The following FAAP100 variants were observed in gnomAD, a reference collection of about 807,000 sequenced individuals.
FAAP100 encodes the protein FA core complex associated protein 100.
A neutral mutation model predicts 65.8 loss-of-function variants in FAAP100; 46 were observed. The ratio of observed to expected loss-of-function variants is 0.70; its 90% CI spans 0.55 to 0.89. The LOEUF (loss-of-function observed/expected upper bound fraction) is 0.89, where lower values mean the gene tolerates loss of function less well. FAAP100 is among the 40% of genes least tolerant of loss of function. FAAP100 has a pLI of 0.00. For synonymous variants in FAAP100, 663 were observed against 555.1 expected (o/e 1.19, Z -2.73); for missense variants, 1,165 against 1,196.7 (o/e 0.97, Z 0.39).
In FAAP100 at chr17:81,550,886, G is replaced by A; in HGVS notation, c.608C>T (p.Ser203Leu). 1 of 1,612,584 alleles carries A rather than the reference G, an allele frequency of 6.2e-7. No individual in the cohort carries two copies. The highest frequency in any genetic ancestry group is 8.5e-7 in the Non-Finnish European group (1 of 1,179,830). The change falls in exon 3 of 9, where the codon TCA (serine) becomes TTA (leucine). Residue 203 changes from serine (S) to leucine (L), a missense_variant. Ser to Leu is a moderately radical substitution (Grantham distance 145, BLOSUM62 -2). Transcript: ENST00000327787. Reference sequence around the variant, plus strand: ...GAGGTCGTGCGGGACCCTGGAGCCTGATGGTGACACAGAGCACAGCACTGG... The same window carrying A: ...GAGGTCGTGCGGGACCCTGGAGCCTAATGGTGACACAGAGCACAGCACTGG... The part of the protein sequence containing the change: ...FLPVLCSVSP[S>L]GSRVPHDLLG...
At chr17:81,545,624 G>C in intron 6 of FAAP100, 122 bp downstream of exon 6, 1 of 1,331,176 alleles carries the variant, frequency 7.5e-7, no homozygotes, top group Non-Finnish European at 1.0e-6. Flanking sequence ...AGTCCTCCGG[G>C]AAGCTTGGGA....
rs1328515781 is a variant in FAAP100, at chr17:81,540,659, T to C, written c.*160A>G. ...AGAATCTGCTTTGTGCTCCACGGCC[T>C]CCAAGCACTTTCATGAGCGTTCTGC... On this transcript the variant is annotated 3_prime_UTR_variant, in exon 9 of 9. Transcript: ENST00000327787. 7.0e-6 allele frequency: 7 copies of C among 1,004,640 alleles called. No homozygotes were observed. The highest frequency in any genetic ancestry group is 8.1e-6 in the Non-Finnish European group (6 of 738,284). The allele number at this position is 1,004,640 out of a possible 1,614,324, so 62.2% of individuals were successfully genotyped here.
chr17:81,546,984 A>C lies in FAAP100; in HGVS notation c.2098T>G (p.Tyr700Asp). The part of the protein sequence containing the change: ...PAGPASLRAE[Y>D]LPPSVASIKV... ...ATGGAAGCCACAGATGGGGGCAGGT[A>C]CTCGGCCCGCAGGGAGGCGGGTCCT... Residue 700 changes from tyrosine to aspartate, a missense_variant, in exon 5 of 9, where the codon TAC (tyrosine) becomes GAC (aspartate). Tyr to Asp is a radical substitution (Grantham distance 160, BLOSUM62 -3). Coordinates refer to ENST00000327787, the MANE Select transcript of FAAP100 (RefSeq NM_025161.6). 1.3e-6 allele frequency: 2 copies of C among 1,499,052 alleles called. No homozygotes were observed. Among genetic ancestry groups the C allele is most frequent in the Non-Finnish European group, 1.8e-6 (2 of 1,124,076 alleles). 92.9% of individuals were successfully genotyped at this position (1,499,052 alleles called of 1,614,324 possible). A position where few individuals can be genotyped will look rare whatever the true frequency, so the allele number is the denominator to read the frequency against.
In FAAP100 at chr17:81,544,114, T is replaced by C. The variant is rs1287517555; in HGVS notation, c.2317A>G (p.Met773Val). 9 of 1,609,632 alleles carry C rather than the reference T, an allele frequency of 5.6e-6. No homozygotes were observed. The highest frequency in any genetic ancestry group is 3.3e-5 in the South Asian group (3 of 91,012). The change falls in exon 7 of 9, where the codon ATG (methionine) becomes GTG (valine). Residue 773 changes from methionine to valine, a missense_variant. By Grantham distance (21) the Met-to-Val change is conservative. Transcript: ENST00000327787. ...NVHLIVREVA[M>V]TDLCPAGPIQ... The stretch of plus-strand genomic sequence containing the variant: ...GGCCCTGCTGGGCACAGGTCAGTCA[T>C]GGCCACCTGCAACACAGGAGCCACC...
intron 3 of FAAP100, among the ~76,000 whole-genome samples, chr17:81,549,625 C>G (rs2033423006): frequency 6.6e-6 from 1 of 152,262 alleles, no homozygotes; most frequent in African/African-American, 2.4e-5. Flanking sequence ...CAAAGCCCTT[C>G]TCTCCTGCTG....
At position 81,547,389 on chromosome 17, in the gene FAAP100, A is replaced by G; in HGVS notation, c.1693T>C (p.Tyr565His). The G allele has an allele frequency of 6.2e-7, 1 of 1,612,882 alleles. No homozygotes were observed. The highest frequency in any genetic ancestry group is 8.5e-7 in the Non-Finnish European group (1 of 1,180,012). Residue 565 changes from tyrosine (Y) to histidine (H), a missense_variant, in exon 5 of 9, where the codon TAC (tyrosine) becomes CAC (histidine). Coordinates refer to ENST00000327787, the MANE Select transcript of FAAP100 (RefSeq NM_025161.6). ...CCGAGCTGGTCCACGGGGATGGTGT[A>G]GGTGATGGCGGAGCAGGCCGAGTCC... ...DLDSACSAIT[Y>H]TIPVDQLGPG...
rs1355119494 is a variant in FAAP100, at chr17:81,549,231, A to ACAG, written c.1375_1377dup (p.Leu459dup). The ACAG allele has an allele frequency of 1.2e-6, 2 of 1,612,742 alleles. No individual in the cohort carries two copies. Among genetic ancestry groups the ACAG allele is most frequent in the South Asian group, 2.2e-5 (2 of 91,066 alleles). ...CTCTCAGAGATGTTGCCAATTCCAGACAGCAGCTCCTTTATTTTCTGACCT... is the reference window on the plus strand; with the variant it reads ...CTCTCAGAGATGTTGCCAATTCCAGACAGCAGCAGCTCCTTTATTTTCTGACCT... On this transcript the variant is annotated inframe_insertion, in exon 4 of 9. Transcript: ENST00000327787.
intron 7 of FAAP100, among the ~76,000 whole-genome samples, chr17:81,542,686 G>A (rs866747798): frequency 4.6e-5 from 7 of 152,192 alleles, no homozygotes; most frequent in South Asian, 2.1e-4. Flanking sequence ...AGATTCATGC[G>A]GAAGCCCTAG....
At chr17:81,541,079 A>G (rs911483570) in intron 8 of FAAP100, 129 bp from the exon 9 acceptor site, 2 of 1,273,268 alleles carry the variant, frequency 1.6e-6, no homozygotes, top group African/African-American at 3.0e-5. Flanking sequence ...AAGAACACTC[A>G]TCCGGAACCT....
At chr17:81,541,887 G>C (rs1268341805) in intron 7 of FAAP100, among the ~76,000 whole-genome samples, 1 of 152,128 alleles carries the variant, frequency 6.6e-6, no homozygotes, top group Non-Finnish European at 1.5e-5. Flanking sequence ...TCCCAGATGG[G>C]ACCAGGTGTG....
At chr17:81,543,375 G>A (rs1304147726) in intron 7 of FAAP100, among the ~76,000 whole-genome samples, 2 of 152,184 alleles carry the variant, frequency 1.3e-5, no homozygotes, top group Admixed American at 6.5e-5. Context: ...CCACCATATG[G>A]GCCAAAGCTG....
At chr17:81,542,505 C>A (rs2033152766) in intron 7 of FAAP100, among the ~76,000 whole-genome samples, 1 of 152,192 alleles carries the variant, frequency 6.6e-6, no homozygotes, top group Non-Finnish European at 1.5e-5. Context: ...CTGCCGGGGG[C>A]TCCAGAAGTG....
At position 81,550,684 on chromosome 17, in the gene FAAP100, G is replaced by A. The variant is rs750608873; in HGVS notation, c.810C>T (p.Ala270=). 1.9e-6 allele frequency: 3 copies of A among 1,613,004 alleles called. No homozygotes were observed. Among genetic ancestry groups the A allele is most frequent in the East Asian group, 2.2e-5 (1 of 44,894 alleles). The change falls in exon 3 of 9, where the codon GCC becomes GCT. Residue 270 remains alanine (A), a synonymous_variant. Coordinates refer to ENST00000327787, the MANE Select transcript of FAAP100 (RefSeq NM_025161.6). ...TSRSAPGDPN[A]LVKILHHLEE... is the part of the protein sequence containing the mutation. Reference sequence around the variant, plus strand: ...CCAGGTGATGGAGGATCTTGACAAGGGCATTTGGGTCACCAGGGGCTGACC... The same window carrying A: ...CCAGGTGATGGAGGATCTTGACAAGAGCATTTGGGTCACCAGGGGCTGACC...
chr17:81,544,337 C>G (rs570353611), intron 6 of FAAP100, among the ~76,000 whole-genome samples: 3 of 152,360 alleles, frequency 2.0e-5, no homozygotes, highest in South Asian at 4.1e-4. Context: ...ATGGCAAGAA[C>G]CTGCTCTGTA....
At chr17:81,545,715 C>T (rs1362829093) in intron 6 of FAAP100, 31 bp downstream of exon 6, 3 of 1,593,558 alleles carry the variant, frequency 1.9e-6, no homozygotes, top group South Asian at 1.1e-5. Context: ...ACTGCTGGTG[C>T]CGTGGCTCGT....
chr17:81,552,913 C>G (rs997079621), upstream of FAAP100, among the ~76,000 whole-genome samples: 1 of 151,780 alleles, frequency 6.6e-6, no homozygotes, highest in Non-Finnish European at 1.5e-5. Context: ...GGTGGAAGTG[C>G]GTCCCTCCCT....
At position 81,540,693 on chromosome 17, in the gene FAAP100, G is replaced by A. The variant is rs1365262027; in HGVS notation, c.*126C>T. 3 of 1,248,616 alleles carry A rather than the reference G, an allele frequency of 2.4e-6. No individual in the cohort carries two copies. The highest frequency in any genetic ancestry group is 5.4e-5 in the East Asian group (2 of 36,772). The allele number at this position is 1,248,616 out of a possible 1,614,324, so 77.3% of individuals were successfully genotyped here. A position where few individuals can be genotyped will look rare whatever the true frequency, so the allele number is the denominator to read the frequency against. On this transcript the variant is annotated 3_prime_UTR_variant, in exon 9 of 9. Coordinates refer to ENST00000327787, the MANE Select transcript of FAAP100 (RefSeq NM_025161.6). Reference sequence around the variant, plus strand: ...TTTCATGAGCGTTCTGCTCCTACGTGGCCAGGTCCTACCTTCCCTGACGGC... The same window carrying A: ...TTTCATGAGCGTTCTGCTCCTACGTAGCCAGGTCCTACCTTCCCTGACGGC...
In FAAP100 at chr17:81,548,716, G is replaced by A. The variant is rs182997598; in HGVS notation, c.1403+490C>T. On this transcript the variant is annotated intron_variant, in intron 4 of 8. Coordinates refer to ENST00000327787, the MANE Select transcript of FAAP100 (RefSeq NM_025161.6). ...ATCGCACCACAACACTCCAGCCTGG[G>A]CGACAGAGTGAAATTCTCTCTCAAA... 8.0e-4 allele frequency among the ~76,000 whole-genome samples: 122 copies of A among 151,936 alleles called. 1 individual carries two copies. The highest frequency in any genetic ancestry group is 7.9e-3 in the Admixed American group (120 of 15,240).
chr17:81,544,603 A>G (rs2033232275), intron 6 of FAAP100, among the ~76,000 whole-genome samples: 1 of 152,202 alleles, frequency 6.6e-6, no homozygotes, highest in South Asian at 2.1e-4. Context: ...TGGGACACCC[A>G]CCTGTCCCTT....
Sources: gnomAD v4.1 joint callset for allele counts (sites outside exome capture counted in the v4.1 genomes callset) on GRCh38, gnomAD v4.1.1 for gene constraint, MANE v1.5 for transcripts, NCBI Gene and HGNC (gene_info 2026-07-23, HGNC 2026-07-21) for gene names.